MYPN: variants seen among roughly 807,000 people sequenced by gnomAD.
The protein encoded by MYPN is sarcomeric protein myopalladin, 145 kDa (MYOP).
A neutral mutation model predicts 129.4 loss-of-function variants in MYPN; 63 were observed. The observed-to-expected ratio is 0.49, with a 90% CI of 0.40 to 0.60. The LOEUF (loss-of-function observed/expected upper bound fraction) is 0.60. MYPN is among the 20% of genes least tolerant of loss of function. The probability of loss-of-function intolerance (pLI) is 0.00; values close to 1 mark genes in which losing one functional copy is unlikely to be tolerated. For synonymous variants in MYPN, 629 were observed against 600.9 expected, an observed-to-expected ratio of 1.05 and a Z score of -0.68; for missense variants, 1,596 against 1,635.4, an observed-to-expected ratio of 0.98 and a Z score of 0.42.
At chr10:68,155,421 T>C (rs1462879212) in intron 6 of MYPN, among the ~76,000 whole-genome samples, 1 of 152,186 alleles carries the variant, frequency 6.6e-6, no homozygotes, top group African/African-American at 2.4e-5. Context: ...CAAGATAGAT[T>C]TGCACTTTGA....
intron 17 of MYPN, among the ~76,000 whole-genome samples, 196 bp from the exon 18 acceptor site, chr10:68,201,633 C>T (rs772669433): frequency 3.3e-5 from 5 of 151,862 alleles, no homozygotes; most frequent in Admixed American, 2.0e-4. Flanking sequence ...CCAGGCTTGG[C>T]GGTGCACGCC....
At chr10:68,157,670 CAAAAAA>C (rs71009010) in intron 6 of MYPN, among the ~76,000 whole-genome samples, 1 of 84,888 alleles carries the variant, frequency 1.2e-5, no homozygotes, top group African/African-American at 5.0e-5. Context: ...CCTGTCTCTA[CAAAAAA>C]AAAAAAAAAA....
intron 18 of MYPN, among the ~76,000 whole-genome samples, chr10:68,202,340 G>T (rs978020754): frequency 6.6e-6 from 1 of 152,126 alleles, no homozygotes; most frequent in African/African-American, 2.4e-5. Flanking sequence ...GGCTGAGGCA[G>T]GAGAATGGCG....
intron 2 of MYPN, among the ~76,000 whole-genome samples, chr10:68,132,147 A>G (rs1249596478): frequency 6.6e-6 from 1 of 152,204 alleles, no homozygotes; most frequent in African/African-American, 2.4e-5. Flanking sequence ...CATATTATGT[A>G]GGATTTTGTT....
At chr10:68,111,562 A>G (rs2894058) in intron 1 of MYPN, among the ~76,000 whole-genome samples, 58,153 of 152,098 alleles carry the variant, frequency 0.38, 12,603 homozygotes, top group African/African-American at 0.59. Flanking sequence ...AAATGCTTTT[A>G]AAACTACTAT....
At chr10:68,149,156 A>G (rs2042722414) in intron 5 of MYPN, among the ~76,000 whole-genome samples, 3 of 137,850 alleles carry the variant, frequency 2.2e-5, no homozygotes, top group African/African-American at 1.0e-4. Flanking sequence ...TGAGCCTGAG[A>G]GGTCAAGGTG....
At chr10:68,150,727 TA>T (rs2042755388) in intron 6 of MYPN, among the ~76,000 whole-genome samples, 1 of 152,222 alleles carries the variant, frequency 6.6e-6, no homozygotes, top group Non-Finnish European at 1.5e-5. Context: ...GAATCAGGAC[TA>T]CAAACAAGTT....
chr10:68,104,845 G>A (rs568709728), upstream of MYPN, among the ~76,000 whole-genome samples: 6 of 152,108 alleles, frequency 3.9e-5, no homozygotes, highest in South Asian at 4.1e-4. Context: ...GTGTAGGGGC[G>A]TGATCTTGGC....
rs201486945 is a variant in MYPN at position 68,122,390 on chromosome 10, A to G, written c.902+50A>G. The G allele has an allele frequency of 2.7e-4, 421 of 1,580,796 alleles. 5 individuals are homozygous for G. In the East Asian group the frequency reaches 8.4e-3, roughly 32 times the overall value. ...TGAGTAATGTTGCTTTCCATCTACC[A>G]TGACCCTCCCAAGTATTATCATTTA... is the stretch of plus-strand genomic sequence containing the variant. On this transcript the variant is annotated intron_variant, in intron 2 of 19. Transcript: ENST00000358913.
At chr10:68,139,298 T>C (rs746720104) in intron 2 of MYPN, among the ~76,000 whole-genome samples, 5 of 152,170 alleles carry the variant, frequency 3.3e-5, no homozygotes, top group Non-Finnish European at 5.9e-5. Context: ...TTTCTGGGGT[T>C]CTGCTGCACA....
chr10:68,094,164 G>T (rs2041944350), intron 1 of MYPN, among the ~76,000 whole-genome samples: 1 of 152,064 alleles, frequency 6.6e-6, no homozygotes, highest in African/African-American at 2.4e-5. Context: ...TCTATATCTT[G>T]TGAAACCAAT....
intron 2 of MYPN, among the ~76,000 whole-genome samples, chr10:68,127,074 T>C (rs1042273385): frequency 2.6e-5 from 4 of 152,248 alleles, no homozygotes; most frequent in African/African-American, 9.6e-5. Flanking sequence ...AACCTCCACC[T>C]CCTGGGTTCA....
chr10:68,198,861 G>T (rs961658081), intron 16 of MYPN, among the ~76,000 whole-genome samples: 3 of 152,074 alleles, frequency 2.0e-5, no homozygotes, highest in Non-Finnish European at 2.9e-5. Context: ...TGCCCTGTTG[G>T]GGGGATGGGA....
intron 19 of MYPN, among the ~76,000 whole-genome samples, chr10:68,207,207 G>T (rs1044368196): frequency 6.6e-6 from 1 of 152,096 alleles, no homozygotes; most frequent in African/African-American, 2.4e-5. Flanking sequence ...GCAGTGACCC[G>T]AGATTGCACC....
chr10:68,096,871 G>A (rs2041959067), intron 1 of MYPN, among the ~76,000 whole-genome samples: 1 of 152,186 alleles, frequency 6.6e-6, no homozygotes, highest in Non-Finnish European at 1.5e-5. Context: ...CCAAGCTTAT[G>A]CTGACATCCT....
chr10:68,182,302 ATAACAC>A (rs2043330826), intron 12 of MYPN, among the ~76,000 whole-genome samples: 2 of 20,294 alleles, frequency 9.9e-5, no homozygotes, highest in Non-Finnish European at 1.5e-4. Flanking sequence ...TAACATATAT[ATAACAC>A]ACACATATAT....
At chr10:68,181,238 G>A (rs763761251) in intron 12 of MYPN, among the ~76,000 whole-genome samples, 1 of 152,078 alleles carries the variant, frequency 6.6e-6, no homozygotes, top group South Asian at 2.1e-4. Flanking sequence ...TACAAACAGT[G>A]GATTGATAGT....
At chr10:68,103,192 G>C (rs946560583), upstream of MYPN, among the ~76,000 whole-genome samples, 7 of 152,198 alleles carry the variant, frequency 4.6e-5, no homozygotes, top group Non-Finnish European at 1.0e-4. Flanking sequence ...ATAAAAATGT[G>C]AACTTGGATA....
intron 6 of MYPN, among the ~76,000 whole-genome samples, chr10:68,156,605 G>A (rs2042878399): frequency 6.6e-6 from 1 of 152,100 alleles, no homozygotes; most frequent in Admixed American, 6.6e-5. Context: ...ACATCCCTGA[G>A]GTGAAAGTCT....
Sources: gnomAD v4.1 joint callset for allele counts (sites outside exome capture counted in the v4.1 genomes callset) on GRCh38, gnomAD v4.1.1 for gene constraint, MANE v1.5 for transcripts, NCBI Gene and HGNC (gene_info 2026-07-23, HGNC 2026-07-21) for gene names.